The following RBFOX1 variants were observed in gnomAD, a reference collection of about 807,000 sequenced individuals.
RBFOX1 encodes RNA binding protein fox-1 homolog 1.
A neutral mutation model predicts 57.7 loss-of-function variants in RBFOX1; 8 were observed. That is an observed-to-expected ratio of 0.14 (90% CI 0.08 to 0.25). The LOEUF is 0.25. RBFOX1 is among the 10% of genes least tolerant of loss of function. RBFOX1 has a pLI of 1.00. For synonymous variants in RBFOX1, 326 were observed against 222.4 expected (o/e 1.47, Z -4.15); for missense variants, 611 against 548.5 (o/e 1.11, Z -1.14).
chr16:6,914,800 A>G (rs2072690720), intron 3 of RBFOX1, among the ~76,000 whole-genome samples: 1 of 152,176 alleles, frequency 6.6e-6, no homozygotes, highest in African/African-American at 2.4e-5. Flanking sequence ...AAACAACAAG[A>G]TCGCTGAAGC....
At chr16:6,648,557 T>C (rs2098552121) in intron 2 of RBFOX1, among the ~76,000 whole-genome samples, 1 of 152,152 alleles carries the variant, frequency 6.6e-6, no homozygotes, top group Admixed American at 6.6e-5. Context: ...CCCGCAGCCC[T>C]GTCCTCCCAC....
intron 1 of RBFOX1, among the ~76,000 whole-genome samples, chr16:6,207,298 C>T (rs2097261767): frequency 6.6e-6 from 1 of 152,142 alleles, no homozygotes; most frequent in South Asian, 2.1e-4. Flanking sequence ...AAAGAAATGG[C>T]AGTTAATGCA....
intron 2 of RBFOX1, among the ~76,000 whole-genome samples, chr16:6,588,074 T>C (rs982662079): frequency 1.1e-4 from 17 of 150,054 alleles, no homozygotes; most frequent in Non-Finnish European, 2.1e-4. Flanking sequence ...CTACTAAAAA[T>C]ACAAAAATTA....
chr16:6,191,916 G>A (rs187925407), intron 1 of RBFOX1, among the ~76,000 whole-genome samples: 230 of 152,274 alleles, frequency 1.5e-3, no homozygotes, highest in Admixed American at 3.7e-3. Flanking sequence ...CTGCTAAGCT[G>A]ACATAGTAAC....
intron 1 of RBFOX1, among the ~76,000 whole-genome samples, chr16:5,269,518 T>C (rs1410325854): frequency 6.6e-6 from 1 of 152,220 alleles, no homozygotes; most frequent in African/African-American, 2.4e-5. Context: ...TCTACCCACA[T>C]GGTGGAATAT....
chr16:7,685,407 G>A (rs568089035), intron 14 of RBFOX1, among the ~76,000 whole-genome samples: 23 of 152,066 alleles, frequency 1.5e-4, no homozygotes, highest in Non-Finnish European at 2.6e-4. Context: ...ATCCGTGGAC[G>A]GAAACAGTTA....
intron 4 of RBFOX1, among the ~76,000 whole-genome samples, chr16:7,148,570 C>T (rs916294412): frequency 1.3e-5 from 2 of 152,178 alleles, no homozygotes; most frequent in Non-Finnish European, 2.9e-5. Context: ...GCTGTTTGAT[C>T]GAGAATGGAG....
chr16:6,904,448 A>G (rs193278150), intron 3 of RBFOX1, among the ~76,000 whole-genome samples: 7 of 151,918 alleles, frequency 4.6e-5, no homozygotes, highest in Middle Eastern at 3.4e-3. Context: ...TGAAAGTACA[A>G]AAATGAGCTA....
chr16:7,667,559 T>C (rs2069770933), intron 13 of RBFOX1, among the ~76,000 whole-genome samples: 1 of 152,178 alleles, frequency 6.6e-6, no homozygotes, highest in South Asian at 2.1e-4. Context: ...AAAGAAAGAT[T>C]TTGGCTTACT....
Position 6,019,264 on chromosome 16 carries a change from C to T in RBFOX1, c.-855C>T, listed in dbSNP as rs1029699155. The stretch of plus-strand genomic sequence containing the variant: ...ACCGCTCCCTCGATCACCCCAGCCC[C>T]CTTCCTGGTCTCCCGAGCGCGGGGT... On this transcript the variant is annotated 5_prime_UTR_variant, in exon 1 of 16. Coordinates refer to ENST00000550418, the MANE Select transcript of RBFOX1 (RefSeq NM_018723.4). This position sits in a 1 kb window ranked among gnomAD's most constrained non-coding sequence, Gnocchi z 4.2. 4.1e-6 allele frequency: 4 copies of T among 985,306 alleles called. No individual in the cohort carries two copies. The highest frequency in any genetic ancestry group is 1.7e-5 in the African/African-American group (1 of 57,200). 61.0% of individuals were successfully genotyped at this position (985,306 alleles called of 1,614,324 possible). A position where few individuals can be genotyped will look rare whatever the true frequency, so the allele number is the denominator to read the frequency against.
At chr16:6,669,854 T>A (rs1486288800) in intron 3 of RBFOX1, among the ~76,000 whole-genome samples, 1 of 152,172 alleles carries the variant, frequency 6.6e-6, no homozygotes, top group Non-Finnish European at 1.5e-5. Flanking sequence ...GGCAGGCAGA[T>A]CTGATGGAGC....
chr16:6,058,168 C>T (rs768125807), intron 1 of RBFOX1, among the ~76,000 whole-genome samples: 2 of 152,110 alleles, frequency 1.3e-5, no homozygotes, highest in Non-Finnish European at 2.9e-5. Flanking sequence ...ATGCAAGTAA[C>T]ATGCTTCTTT....
chr16:5,307,066 G>A (rs888807509), intron 1 of RBFOX1, among the ~76,000 whole-genome samples: 8 of 152,046 alleles, frequency 5.3e-5, no homozygotes, highest in Non-Finnish European at 1.0e-4. Flanking sequence ...CGTGGTGGGG[G>A]GTGGAGTGGG....
chr16:7,133,847 C>T (rs188280758), intron 4 of RBFOX1, among the ~76,000 whole-genome samples: 4 of 152,082 alleles, frequency 2.6e-5, no homozygotes, highest in Admixed American at 2.6e-4. Context: ...AACGTAATGC[C>T]CATTTTGAAA....
At chr16:6,975,100 C>G (rs551658203) in intron 3 of RBFOX1, among the ~76,000 whole-genome samples, 4 of 152,142 alleles carry the variant, frequency 2.6e-5, no homozygotes, top group African/African-American at 2.4e-5. Context: ...TCAACAACAC[C>G]TCAGGAGTCA....
chr16:7,361,726 G>A (rs995824919), intron 4 of RBFOX1, among the ~76,000 whole-genome samples: 1 of 152,216 alleles, frequency 6.6e-6, no homozygotes, highest in Non-Finnish European at 1.5e-5. Context: ...GAGGCATGCT[G>A]GTGAAAGTAG....
intron 3 of RBFOX1, among the ~76,000 whole-genome samples, chr16:5,778,680 C>G (rs560425468): frequency 6.2e-4 from 95 of 152,204 alleles, no homozygotes; most frequent in African/African-American, 2.2e-3. Context: ...TGTGCGTGGC[C>G]ATCTCATACT....
chr16:6,474,556 C>T (rs909432532), intron 2 of RBFOX1, among the ~76,000 whole-genome samples: 1 of 152,218 alleles, frequency 6.6e-6, no homozygotes, highest in Non-Finnish European at 1.5e-5. Flanking sequence ...AATTGCTCCT[C>T]ATCACCACCT....
chr16:5,892,438 AG>A (rs2058066350), intron 4 of RBFOX1, among the ~76,000 whole-genome samples: 1 of 152,130 alleles, frequency 6.6e-6, no homozygotes, highest in African/African-American at 2.4e-5. Flanking sequence ...TCTCTAGACT[AG>A]GGGTAATGGT....
Sources: gnomAD v4.1 joint callset for allele counts (sites outside exome capture counted in the v4.1 genomes callset) on GRCh38, gnomAD v4.1.1 for gene constraint, Gnocchi (gnomAD v3.1) non-coding constraint, MANE v1.5 for transcripts, NCBI Gene and HGNC (gene_info 2026-07-23, HGNC 2026-07-21) for gene names.